Variants in STK32A observed in about 807,000 individuals in gnomAD.
STK32A encodes the protein serine/threonine kinase 32A, also known as serine/threonine-protein kinase 32A.
STK32A carries 41 observed loss-of-function variants against 53.2 expected under a neutral mutation model. The ratio of observed to expected loss-of-function variants is 0.77; its 90% CI spans 0.60 to 1.00. The LOEUF (loss-of-function observed/expected upper bound fraction) is 1.00, where lower values mean the gene tolerates loss of function less well. Ranked by LOEUF, STK32A falls within the 50% of genes least tolerant of loss-of-function variation. The pLI is 0.00. For synonymous variants in STK32A, 166 were observed against 162.8 expected, an observed-to-expected ratio of 1.02 and a Z score of -0.15; for missense variants, 458 against 485.8, an observed-to-expected ratio of 0.94 and a Z score of 0.54.
At chr5:147,370,238 T>C (rs1035119941) in intron 8 of STK32A, among the ~76,000 whole-genome samples, 1 of 152,184 alleles carries the variant, frequency 6.6e-6, no homozygotes, top group African/African-American at 2.4e-5. Flanking sequence ...GGTAAAATTC[T>C]GGATTTACTT....
chr5:147,316,403 T>A (rs1753992598), intron 4 of STK32A, among the ~76,000 whole-genome samples: 1 of 152,220 alleles, frequency 6.6e-6, no homozygotes, highest in Non-Finnish European at 1.5e-5. Flanking sequence ...GCCAGCAATA[T>A]GTTTTCATAT....
At chr5:147,264,671 G>A (rs1054197880) in intron 2 of STK32A, among the ~76,000 whole-genome samples, 4 of 152,134 alleles carry the variant, frequency 2.6e-5, no homozygotes, top group Admixed American at 1.3e-4. Flanking sequence ...AACCAAAGGA[G>A]CAAGAACATG....
chr5:147,245,447 T>C (rs770662844), intron 2 of STK32A, among the ~76,000 whole-genome samples: 68 of 152,230 alleles, frequency 4.5e-4, no homozygotes, highest in Non-Finnish European at 7.1e-4. Flanking sequence ...TCTATCTGAA[T>C]GCACTAGATT....
In STK32A at chr5:147,330,009, G is replaced by A. The variant is rs544539643; in HGVS notation, c.434+5938G>A. 2.0e-5 allele frequency among the ~76,000 whole-genome samples: 3 copies of A among 152,216 alleles called. No homozygotes were observed. The South Asian group carries it at 6.2e-4, about 31-fold the overall frequency. ...TCCACAACATGTGGGGTTCTGGTCT[G>A]CCTTTCCACTATGCTGGATTAGTTT... On this transcript the variant is annotated intron_variant, in intron 5 of 12. Transcript: ENST00000397936.
rs780466448 is a variant in STK32A, at chr5:147,323,925, G to A, written c.288G>A (p.Met96Ile). The A allele has an allele frequency of 6.2e-7, 1 of 1,613,618 alleles. No homozygotes were observed. Among genetic ancestry groups the A allele is most frequent in the South Asian group, 1.1e-5 (1 of 90,912 alleles). Residue 96 changes from methionine to isoleucine, a missense_variant, in exon 5 of 13, where the codon ATG (methionine) becomes ATA (isoleucine). Physicochemically the swap from Met to Ile is conservative, Grantham distance 10. Coordinates refer to ENST00000397936, the MANE Select transcript of STK32A (RefSeq NM_001112724.2). ...LWYSFQDEED[M>I]FMVVDLLLGG... ...ATTCCTTCCAAGATGAGGAAGACAT[G>A]TTCATGGTGGTGGACCTCCTGCTGG...
At position 147,294,025 on chromosome 5, in the gene STK32A, A is replaced by G. The variant is rs146023212; in HGVS notation, c.260+14627A>G. On this transcript the variant is annotated intron_variant, in intron 4 of 12. Transcript: ENST00000397936. Reference sequence around the variant, plus strand: ...AAGATAAGATTTTCATAAATCTTTTATAACCTATTACAATTTTCTATTAAA... The same window carrying G: ...AAGATAAGATTTTCATAAATCTTTTGTAACCTATTACAATTTTCTATTAAA... Among the ~76,000 whole-genome samples the G allele has an allele frequency of 8.7e-4, 133 of 152,330 alleles. 2 individuals are homozygous for G. In the East Asian group the frequency reaches 0.02, roughly 23 times the overall value.
chr5:147,379,611 C>T (rs1172665094), intron 11 of STK32A, among the ~76,000 whole-genome samples: 2 of 151,994 alleles, frequency 1.3e-5, no homozygotes, highest in Non-Finnish European at 2.9e-5. Flanking sequence ...TTTCTTTCCC[C>T]CCAGAATATC....
Position 147,239,663 on chromosome 5 carries a change from C to G in STK32A, c.29C>G (p.Pro10Arg). The G allele has an allele frequency of 6.2e-7, 1 of 1,608,750 alleles. No homozygotes were observed. MGANTSRKP[P>R]VFDENEDVNF... The stretch of plus-strand genomic sequence containing the variant: ...GGAGCGAACACTTCAAGAAAACCAC[C>G]AGTGTTTGATGAAAATGAAGATGGT... The change falls in exon 2 of 13, where the codon CCA becomes CGA. Residue 10 changes from proline (P) to arginine (R), a missense_variant. Physicochemically the swap from Pro to Arg is moderately radical, Grantham distance 103 (BLOSUM62 -2). Transcript: ENST00000397936.
chr5:147,381,731 G>A (rs1016265960), intron 11 of STK32A, among the ~76,000 whole-genome samples: 7 of 150,990 alleles, frequency 4.6e-5, no homozygotes, highest in African/African-American at 1.7e-4. Flanking sequence ...GTGCCTTTTT[G>A]GATTTGGGGG....
intron 5 of STK32A, among the ~76,000 whole-genome samples, chr5:147,328,875 T>C (rs1265890510): frequency 1.3e-5 from 2 of 152,152 alleles, no homozygotes; most frequent in Non-Finnish European, 2.9e-5. Flanking sequence ...AATTATGAAT[T>C]TAAGCTAATG....
intron 2 of STK32A, among the ~76,000 whole-genome samples, chr5:147,268,838 G>C (rs1581016828): frequency 6.6e-6 from 1 of 152,210 alleles, no homozygotes; most frequent in East Asian, 1.9e-4. Flanking sequence ...TGGGATCTGA[G>C]TTGTGAGAGA....
At chr5:147,301,041 T>C (rs541059808) in intron 4 of STK32A, among the ~76,000 whole-genome samples, 2 of 152,260 alleles carry the variant, frequency 1.3e-5, no homozygotes, top group Admixed American at 6.5e-5. Context: ...ACAAAATTTG[T>C]TTGCAATATG....
intron 4 of STK32A, among the ~76,000 whole-genome samples, chr5:147,284,696 C>CAAAA (rs869167577): frequency 8.2e-4 from 42 of 51,488 alleles, no homozygotes; most frequent in South Asian, 2.3e-3. Flanking sequence ...CAAGACAAAA[C>CAAAA]AAAAAAACAA....
chr5:147,287,481 C>CTT (rs1752401851), intron 4 of STK32A, among the ~76,000 whole-genome samples: 1 of 152,120 alleles, frequency 6.6e-6, no homozygotes, highest in African/African-American at 2.4e-5. Flanking sequence ...ATAAAACCTG[C>CTT]CTCCATCCAT....
intron 5 of STK32A, among the ~76,000 whole-genome samples, chr5:147,333,124 C>A (rs1478146791): frequency 6.6e-6 from 1 of 152,092 alleles, no homozygotes; most frequent in Non-Finnish European, 1.5e-5. Flanking sequence ...TCATTTAACA[C>A]ATAATATTGA....
rs184582900 is a variant in STK32A at position 147,345,607 on chromosome 5, T to C, written c.472+2564T>C. ...TAGATCTTGTGTTTAAACCATTTTGTTTATCCCTTCATCCTCAGGTAACTA... is the reference window on the plus strand; with the variant it reads ...TAGATCTTGTGTTTAAACCATTTTGCTTATCCCTTCATCCTCAGGTAACTA... On this transcript the variant is annotated intron_variant, in intron 6 of 12. Coordinates refer to ENST00000397936, the MANE Select transcript of STK32A (RefSeq NM_001112724.2). Among the ~76,000 whole-genome samples the C allele has an allele frequency of 5.0e-4, 76 of 152,304 alleles. 1 individual carries two copies. The East Asian group carries it at 0.014, about 27-fold the overall frequency.
chr5:147,289,163 G>T (rs60195704), intron 4 of STK32A, among the ~76,000 whole-genome samples: 41,690 of 151,462 alleles, frequency 0.28, 5,934 homozygotes, highest in South Asian at 0.5. Flanking sequence ...TGCTTGTTTT[G>T]TTTTGTTTTC....
Position 147,375,148 on chromosome 5 carries a change from A to G in STK32A, c.962A>G (p.Lys321Arg), listed in dbSNP as rs1220107538. ...CTTGAGGAAATGATTTTGGAGTCCAAACCTCTACATAAGAAAAAAAAGCGT... is the reference window on the plus strand; with the variant it reads ...CTTGAGGAAATGATTTTGGAGTCCAGACCTCTACATAAGAAAAAAAAGCGT... ...FELEEMILES[K>R]PLHKKKKRLA... The change falls in exon 11 of 13, where the codon AAA (lysine) becomes AGA (arginine). Residue 321 changes from lysine (K) to arginine (R), a missense_variant. Coordinates refer to ENST00000397936, the MANE Select transcript of STK32A (RefSeq NM_001112724.2). The G allele has an allele frequency of 3.1e-6, 5 of 1,610,252 alleles. No homozygotes were observed. In the African/African-American group the frequency reaches 6.7e-5, roughly 22 times the overall value.
At chr5:147,235,411 G>C (rs923052761) in intron 1 of STK32A, among the ~76,000 whole-genome samples, 2 of 152,228 alleles carry the variant, frequency 1.3e-5, no homozygotes, top group Non-Finnish European at 2.9e-5. Context: ...GACCCAGACA[G>C]ACTTCAATAA....
Sources: allele counts gnomAD v4.1 joint callset (sites outside exome capture counted in the v4.1 genomes callset), GRCh38; gene constraint gnomAD v4.1.1; transcripts MANE v1.5; gene names NCBI Gene and HGNC (gene_info 2026-07-23, HGNC 2026-07-21).